Variants in TRIQK observed in about 807,000 individuals in gnomAD.
TRIQK encodes triple QxxK/R motif containing.
A neutral mutation model predicts 10.8 loss-of-function variants in TRIQK; 10 were observed. The ratio of observed to expected loss-of-function variants is 0.92; its 90% confidence interval spans 0.57 to 1.57. TRIQK has a LOEUF of 1.57. TRIQK is among the 40% of genes most tolerant of loss of function. The pLI is 0.00. For synonymous variants in TRIQK, 33 were observed against 33.7 expected (o/e 0.98, Z 0.07); for missense variants, 107 against 97.7 (o/e 1.09, Z -0.40).
rs1441410085 is a variant in TRIQK, at chr8:92,885,347, A to T, written c.*1275T>A. 1.0e-5 allele frequency: 2 copies of T among 192,266 alleles called. No individual in the cohort carries two copies. Among genetic ancestry groups the T allele is most frequent in the African/African-American group, 2.3e-5 (1 of 42,670 alleles). 11.9% of individuals were successfully genotyped at this position (192,266 alleles called of 1,614,324 possible). On this transcript the variant is annotated 3_prime_UTR_variant, in exon 5 of 5. Transcript: ENST00000521988. The stretch of plus-strand genomic sequence containing the variant: ...TCTTCTCTTGGCTAGCAGGAAAACA[A>T]TCTTAATATTTTATTTATTCTTCAT...
chr8:92,912,392 T>G (rs979696879), intron 3 of TRIQK, among the ~76,000 whole-genome samples: 1 of 151,354 alleles, frequency 6.6e-6, no homozygotes, highest in African/African-American at 2.4e-5. Flanking sequence ...GAAAACACAA[T>G]ATAACAAAAT....
intron 2 of TRIQK, among the ~76,000 whole-genome samples, chr8:92,939,678 C>A (rs1479021854): frequency 6.6e-6 from 1 of 152,142 alleles, no homozygotes; most frequent in Admixed American, 6.5e-5. Context: ...ACACAGCCAA[C>A]AAACCCACCC....
At chr8:93,001,163 G>A (rs1008632389) in intron 1 of TRIQK, among the ~76,000 whole-genome samples, 1 of 151,750 alleles carries the variant, frequency 6.6e-6, no homozygotes, top group Admixed American at 6.6e-5. Flanking sequence ...AAAAATTAGC[G>A]GGGCATGGTG....
chr8:92,988,049 C>G (rs1055922659), intron 1 of TRIQK, among the ~76,000 whole-genome samples: 1 of 129,436 alleles, frequency 7.7e-6, no homozygotes, highest in Non-Finnish European at 1.5e-5. Context: ...CTCTGTCGCC[C>G]AGGCTGGAGT....
intron 2 of TRIQK, among the ~76,000 whole-genome samples, chr8:92,942,751 G>A (rs1183611446): frequency 1.3e-5 from 2 of 152,164 alleles, no homozygotes; most frequent in African/African-American, 4.8e-5. Flanking sequence ...CTGGAGTTCA[G>A]TGGCAAAATC....
At chr8:92,920,544 A>G (rs994430127) in intron 2 of TRIQK, among the ~76,000 whole-genome samples, 6 of 151,698 alleles carry the variant, frequency 4.0e-5, no homozygotes, top group Non-Finnish European at 8.9e-5. Context: ...AGAAAAAAAA[A>G]AGAGAGAGAG....
At chr8:92,915,892 T>G (rs1809813347) in intron 3 of TRIQK, among the ~76,000 whole-genome samples, 1 of 152,110 alleles carries the variant, frequency 6.6e-6, no homozygotes, top group Non-Finnish European at 1.5e-5. Context: ...TATTTTGCTT[T>G]ATAGAGCGTA....
chr8:92,920,181 G>T (rs1586425799), intron 2 of TRIQK, among the ~76,000 whole-genome samples: 1 of 151,638 alleles, frequency 6.6e-6, no homozygotes, highest in Non-Finnish European at 1.5e-5. Flanking sequence ...GCAGCAGAGA[G>T]TACAACCTGA....
chr8:92,934,538 A>G (rs1277795728), intron 2 of TRIQK, among the ~76,000 whole-genome samples: 7 of 151,946 alleles, frequency 4.6e-5, no homozygotes, highest in African/African-American at 9.7e-5. Context: ...TTCCAATGTA[A>G]TAGCTTCAAA....
At chr8:93,016,752 G>A (rs976701308) in intron 1 of TRIQK, among the ~76,000 whole-genome samples, 3 of 152,142 alleles carry the variant, frequency 2.0e-5, no homozygotes, top group African/African-American at 7.2e-5. Flanking sequence ...GAGGAGAGTG[G>A]AGGGAGGTAT....
At position 92,917,016 on chromosome 8, in the gene TRIQK, A is replaced by C. The variant is rs968337082; in HGVS notation, c.-21-6T>G. 6.8e-7 allele frequency: 1 copy of C among 1,471,906 alleles called. No individual in the cohort carries two copies. The allele number at this position is 1,471,906 out of a possible 1,614,324, so 91.2% of individuals were successfully genotyped here. ...TTTGATCTCCAAAATGCCTGCTGAA[A>C]AGAAAACAATTATAATGAAAATTTT... On this transcript the variant is annotated splice_region_variant and splice_polypyrimidine_tract_variant and intron_variant, in intron 2 of 4. Coordinates refer to ENST00000521988, the MANE Select transcript of TRIQK (RefSeq NM_001171797.2).
At chr8:92,942,650 T>A (rs1811327161) in intron 2 of TRIQK, among the ~76,000 whole-genome samples, 1 of 152,134 alleles carries the variant, frequency 6.6e-6, no homozygotes, top group Non-Finnish European at 1.5e-5. Flanking sequence ...ATACTAAAGA[T>A]TCCACTAGAG....
chr8:92,985,307 G>C (rs1036337692), intron 1 of TRIQK, among the ~76,000 whole-genome samples: 4 of 152,200 alleles, frequency 2.6e-5, no homozygotes, highest in Non-Finnish European at 5.9e-5. Flanking sequence ...GGGAATGTCT[G>C]TAAAATTATT....
chr8:92,994,285 C>T (rs1813128528), intron 1 of TRIQK, among the ~76,000 whole-genome samples: 2 of 152,042 alleles, frequency 1.3e-5, no homozygotes, highest in African/African-American at 2.4e-5. Context: ...ATTCCACCTT[C>T]TATATTTATA....
At chr8:92,996,609 C>T (rs1813155455) in intron 1 of TRIQK, among the ~76,000 whole-genome samples, 2 of 151,902 alleles carry the variant, frequency 1.3e-5, no homozygotes, top group Non-Finnish European at 2.9e-5. Flanking sequence ...ATAATTAATT[C>T]TTCTTTGAAT....
At chr8:92,921,196 A>T (rs1810164096) in intron 2 of TRIQK, among the ~76,000 whole-genome samples, 2 of 151,728 alleles carry the variant, frequency 1.3e-5, no homozygotes, top group African/African-American at 4.8e-5. Context: ...GTCACAGGCA[A>T]ATTGAGAGAG....
intron 3 of TRIQK, among the ~76,000 whole-genome samples, chr8:92,897,026 A>G (rs557766476): frequency 3.3e-5 from 5 of 152,142 alleles, no homozygotes; most frequent in African/African-American, 1.2e-4. Flanking sequence ...AATACTGGCC[A>G]TGCTGGTCTT....
intron 1 of TRIQK, among the ~76,000 whole-genome samples, chr8:92,992,461 G>A (rs941907489): frequency 3.9e-5 from 6 of 152,214 alleles, no homozygotes; most frequent in African/African-American, 1.4e-4. Context: ...AGAGACAAAG[G>A]TCATCTGCTC....
At chr8:92,970,337 G>A (rs917388277), upstream of TRIQK, among the ~76,000 whole-genome samples, 1 of 151,858 alleles carries the variant, frequency 6.6e-6, no homozygotes, top group African/African-American at 2.4e-5. Context: ...TGGAATGGTG[G>A]TTCTGCAGTT....
Sources: gnomAD v4.1 joint callset for allele counts (sites outside exome capture counted in the v4.1 genomes callset) on GRCh38, gnomAD v4.1.1 for gene constraint, MANE v1.5 for transcripts, NCBI Gene and HGNC (gene_info 2026-07-23, HGNC 2026-07-21) for gene names.